OSBPL1A: variants seen among roughly 807,000 people sequenced by gnomAD.
The protein encoded by OSBPL1A is oxysterol binding protein like 1A, also known as oxysterol-binding protein-related protein 1.
Under a neutral mutation model 137.1 loss-of-function variants are expected in OSBPL1A, and 80 were observed. The ratio of observed to expected loss-of-function variants is 0.58; its 90% CI spans 0.49 to 0.70. OSBPL1A has a LOEUF of 0.70. Ranked by LOEUF, OSBPL1A falls within the 30% of genes least tolerant of loss-of-function variation. The pLI is 0.00. For synonymous variants in OSBPL1A, 365 were observed against 389.7 expected (o/e 0.94, Z 0.75); for missense variants, 970 against 1,129.4 (o/e 0.86, Z 2.02).
At chr18:24,293,125 A>AAAAAACAAAAAAAAAAAAG (rs200624581) in intron 14 of OSBPL1A, among the ~76,000 whole-genome samples, 1 of 82,066 alleles carries the variant, frequency 1.2e-5, no homozygotes, top group Admixed American at 1.2e-4. Context: ...AAAAAAAAAA[A>AAAAAACAAAAAAAAAAAAG]AAAGAAAAGA....
chr18:24,242,085 A>G (rs2088714395), intron 15 of OSBPL1A, among the ~76,000 whole-genome samples: 1 of 148,838 alleles, frequency 6.7e-6, no homozygotes, highest in Admixed American at 6.7e-5. Flanking sequence ...ATGAGAACAT[A>G]TGGACACATG....
intron 14 of OSBPL1A, among the ~76,000 whole-genome samples, chr18:24,293,260 A>C (rs2090219583): frequency 1.3e-5 from 2 of 152,106 alleles, no homozygotes; most frequent in Admixed American, 6.5e-5. Flanking sequence ...CAGAGGGGGA[A>C]AGGGGAGAGG....
chr18:24,381,148 A>G (rs1906565133), intron 1 of OSBPL1A, among the ~76,000 whole-genome samples: 3 of 152,182 alleles, frequency 2.0e-5, no homozygotes, highest in African/African-American at 7.2e-5. Flanking sequence ...GCAGTGGGGA[A>G]GAGAGCTTGA....
Position 24,164,717 on chromosome 18 carries a change from T to C in OSBPL1A, c.2750+348A>G, listed in dbSNP as rs547456313. On this transcript the variant is annotated intron_variant, in intron 27 of 27. Transcript: ENST00000319481. The stretch of plus-strand genomic sequence containing the variant: ...TGCTGGGATTACAGACGTGAGCCAC[T>C]GCACCCCGCCAGAGATTTCTTAAAA... Among the ~76,000 whole-genome samples, 11 of 152,204 alleles carry C rather than the reference T, an allele frequency of 7.2e-5. No homozygotes were observed. The South Asian group carries it at 1.2e-3, about 17-fold the overall frequency.
At chr18:24,176,838 T>C (rs1384331143) in intron 21 of OSBPL1A, among the ~76,000 whole-genome samples, 1 of 152,160 alleles carries the variant, frequency 6.6e-6, no homozygotes, top group Non-Finnish European at 1.5e-5. Flanking sequence ...TTTCAATGCA[T>C]GTGTGTAGGG....
intron 3 of OSBPL1A, among the ~76,000 whole-genome samples, chr18:24,367,185 C>T (rs1213867481): frequency 6.6e-6 from 1 of 151,064 alleles, no homozygotes; most frequent in African/African-American, 2.4e-5. Context: ...TCATCTGAGC[C>T]CAGGAGTTCA....
At chr18:24,197,762 C>T (rs906757099) in intron 17 of OSBPL1A, among the ~76,000 whole-genome samples, 2 of 151,156 alleles carry the variant, frequency 1.3e-5, no homozygotes, top group African/African-American at 4.9e-5. Flanking sequence ...ATTAAATTTT[C>T]CATCTATTTT....
chr18:24,197,024 G>A (rs1567937837), intron 17 of OSBPL1A, among the ~76,000 whole-genome samples: 1 of 152,172 alleles, frequency 6.6e-6, no homozygotes, highest in African/African-American at 2.4e-5. Context: ...AGGTGCCCAG[G>A]CCAACTTTCC....
chr18:24,325,699 T>C (rs1460253015), intron 7 of OSBPL1A, among the ~76,000 whole-genome samples: 2 of 152,188 alleles, frequency 1.3e-5, no homozygotes, highest in Non-Finnish European at 2.9e-5. Flanking sequence ...ACGGGGACTG[T>C]TGGGCTGTGT....
chr18:24,218,574 G>C (rs1417890445), intron 17 of OSBPL1A, among the ~76,000 whole-genome samples: 2 of 152,150 alleles, frequency 1.3e-5, no homozygotes, highest in East Asian at 3.9e-4. Flanking sequence ...CTTCTGAGTA[G>C]CTGGGATTAC....
At chr18:24,377,289 G>A (rs1906253804) in intron 2 of OSBPL1A, 124 bp downstream of exon 2, 2 of 1,180,672 alleles carry the variant, frequency 1.7e-6, no homozygotes, top group Non-Finnish European at 2.3e-6. Flanking sequence ...CCAATCTGTG[G>A]GGTTCTTCCT....
At chr18:24,294,054 T>G (rs1044179244) in intron 14 of OSBPL1A, among the ~76,000 whole-genome samples, 1 of 152,160 alleles carries the variant, frequency 6.6e-6, no homozygotes, top group Non-Finnish European at 1.5e-5. Flanking sequence ...CTCAGATTTT[T>G]TTTTTCAGTT....
rs527887156 is a variant in OSBPL1A, at chr18:24,213,333, C to T, written c.1601+11709G>A. 3.6e-4 allele frequency among the ~76,000 whole-genome samples: 55 copies of T among 152,202 alleles called. 1 individual carries two copies. Among genetic ancestry groups the T allele is most frequent in the Non-Finnish European group, 5.4e-4 (37 of 68,002 alleles). Reference sequence around the variant, plus strand: ...CTGTAATCCTAGCACTTTGGGAGGCCGAGGCAGGCGGATCACTTGAGCTCA... The same window carrying T: ...CTGTAATCCTAGCACTTTGGGAGGCTGAGGCAGGCGGATCACTTGAGCTCA... On this transcript the variant is annotated intron_variant, in intron 17 of 27. Coordinates refer to ENST00000319481, the MANE Select transcript of OSBPL1A (RefSeq NM_080597.4).
At chr18:24,229,982 T>C (rs2088220345) in intron 16 of OSBPL1A, among the ~76,000 whole-genome samples, 1 of 152,190 alleles carries the variant, frequency 6.6e-6, no homozygotes, top group Non-Finnish European at 1.5e-5. Flanking sequence ...ACTCCTGGCC[T>C]CAGGTGATCC....
chr18:24,385,249 C>T (rs547702608), intron 1 of OSBPL1A, among the ~76,000 whole-genome samples: 2 of 152,094 alleles, frequency 1.3e-5, no homozygotes, highest in Non-Finnish European at 1.5e-5. Flanking sequence ...CCACCGCACC[C>T]GGCCTGTAGG....
chr18:24,341,669 G>T lies in OSBPL1A; in HGVS notation c.283-11C>A. 6.4e-7 allele frequency: 1 copy of T among 1,556,110 alleles called. No homozygotes were observed. Among genetic ancestry groups the T allele is most frequent in the South Asian group, 1.1e-5 (1 of 88,092 alleles). On this transcript the variant is annotated splice_polypyrimidine_tract_variant and intron_variant, in intron 4 of 27. Transcript: ENST00000319481. ...AAGCATTACCAACTCCTAAAAATCA[G>T]AGAATTTATTTTTAACTATTAAGCT...
In OSBPL1A at chr18:24,348,336, G is replaced by A. The variant is rs868617837; in HGVS notation, c.283-6678C>T. 3.3e-5 allele frequency among the ~76,000 whole-genome samples: 5 copies of A among 152,190 alleles called. No individual in the cohort carries two copies. In the South Asian group the frequency reaches 1.0e-3, roughly 32 times the overall value. ...ATTTAATTAACATTTACTTGTATCA[G>A]ACACTGTTCTAAAGTTTTACTTTTA... is the stretch of plus-strand genomic sequence containing the variant. On this transcript the variant is annotated intron_variant, in intron 4 of 27. Coordinates refer to ENST00000319481, the MANE Select transcript of OSBPL1A (RefSeq NM_080597.4).
chr18:24,297,864 C>T (rs1370812767), intron 14 of OSBPL1A, among the ~76,000 whole-genome samples: 1 of 152,122 alleles, frequency 6.6e-6, no homozygotes, highest in Non-Finnish European at 1.5e-5. Context: ...GTATATTCTG[C>T]AGTTGTTGGG....
chr18:24,226,208 T>C (rs1229292359), intron 16 of OSBPL1A, among the ~76,000 whole-genome samples: 1 of 152,108 alleles, frequency 6.6e-6, no homozygotes, highest in Non-Finnish European at 1.5e-5. Flanking sequence ...ACATTCTTCA[T>C]CTCTTTTGAG....
Sources: allele counts gnomAD v4.1 joint callset (sites outside exome capture counted in the v4.1 genomes callset), GRCh38; gene constraint gnomAD v4.1.1; transcripts MANE v1.5; gene names NCBI Gene and HGNC (gene_info 2026-07-23, HGNC 2026-07-21).